Variants in TACR3 observed in about 807,000 individuals in gnomAD.
The protein encoded by TACR3 is tachykinin receptor 3.
TACR3 carries 34 observed loss-of-function variants against 35.0 expected under a neutral mutation model. That is an observed-to-expected ratio of 0.97 (90% CI 0.74 to 1.30). The LOEUF is 1.30. Among genes scored for constraint, TACR3 ranks in the 50% most tolerant of loss-of-function variants. The pLI is 0.00. For missense variants in TACR3, 558 were observed against 591.7 expected, an observed-to-expected ratio of 0.94 and a Z score of 0.59; for synonymous variants, 233 against 221.1, an observed-to-expected ratio of 1.05 and a Z score of -0.48.
At chr4:103,614,879 A>C (rs1724599817) in intron 3 of TACR3, among the ~76,000 whole-genome samples, 1 of 121,312 alleles carries the variant, frequency 8.2e-6, no homozygotes, top group Admixed American at 7.8e-5. Context: ...GTTGATTATG[A>C]ATGTGTTTTT....
intron 3 of TACR3, among the ~76,000 whole-genome samples, chr4:103,621,954 T>C (rs750916269): frequency 2.6e-5 from 4 of 152,082 alleles, no homozygotes; most frequent in Non-Finnish European, 5.9e-5. Context: ...AATGAAAGTA[T>C]AAAAATATAA....
At chr4:103,634,520 G>C (rs911721648) in intron 3 of TACR3, among the ~76,000 whole-genome samples, 2 of 117,454 alleles carry the variant, frequency 1.7e-5, no homozygotes, top group African/African-American at 5.7e-5. Context: ...TATAATCAGA[G>C]TAACAGAATG....
At chr4:103,591,375 T>A in intron 4 of TACR3, 112 bp downstream of exon 4, 1 of 1,308,114 alleles carries the variant, frequency 7.6e-7, no homozygotes, top group Non-Finnish European at 1.1e-6. Flanking sequence ...AATTCTTAAA[T>A]TTTCCCTTCC....
intron 3 of TACR3, among the ~76,000 whole-genome samples, chr4:103,594,030 TAAGTA>T (rs1723950384): frequency 6.6e-6 from 1 of 152,162 alleles, no homozygotes; most frequent in African/African-American, 2.4e-5. Flanking sequence ...CGCAGACAGT[TAAGTA>T]ATGTCTAAGA....
At chr4:103,678,681 G>T (rs905018261) in intron 1 of TACR3, among the ~76,000 whole-genome samples, 1 of 151,832 alleles carries the variant, frequency 6.6e-6, no homozygotes, top group Non-Finnish European at 1.5e-5. Flanking sequence ...GATAGCAGTG[G>T]GTACTACGCA....
chr4:103,607,779 AAGTC>A (rs1268916431), intron 3 of TACR3, among the ~76,000 whole-genome samples: 2 of 152,144 alleles, frequency 1.3e-5, no homozygotes, highest in Admixed American at 1.3e-4. Flanking sequence ...AGACATTTTG[AAGTC>A]AGTCAGATAG....
intron 3 of TACR3, among the ~76,000 whole-genome samples, chr4:103,621,365 A>AG (rs1326939428): frequency 6.6e-6 from 1 of 152,192 alleles, no homozygotes; most frequent in Admixed American, 6.5e-5. Flanking sequence ...ATGAGAATAG[A>AG]GGGCCAATAT....
chr4:103,623,447 T>G lies in TACR3; in HGVS notation c.889-31764A>C, dbSNP rs535848005. On this transcript the variant is annotated intron_variant, in intron 3 of 4. Transcript: ENST00000304883. ...TTTTCTGCTTATTTTATGGCAAAAT[T>G]TATTTTGGCTTGTAATCATAGACTA... 2.0e-5 allele frequency among the ~76,000 whole-genome samples: 3 copies of G among 152,314 alleles called. No individual in the cohort carries two copies. The East Asian group carries it at 5.8e-4, about 29-fold the overall frequency.
chr4:103,673,257 G>A (rs1428756358), intron 1 of TACR3, among the ~76,000 whole-genome samples: 3 of 152,148 alleles, frequency 2.0e-5, no homozygotes, highest in South Asian at 2.1e-4. Flanking sequence ...TTTGGTGCAA[G>A]AGGCCTAGCT....
chr4:103,633,498 C>A lies in TACR3; in HGVS notation c.888+22696G>T, dbSNP rs564267684. 1.7e-4 allele frequency among the ~76,000 whole-genome samples: 26 copies of A among 151,612 alleles called. 1 individual carries two copies. The South Asian group carries it at 5.4e-3, about 32-fold the overall frequency. On this transcript the variant is annotated intron_variant, in intron 3 of 4. Coordinates refer to ENST00000304883, the MANE Select transcript of TACR3 (RefSeq NM_001059.3). ...ATTCTTTAGTGGAGATTTGTGAGAC[C>A]CTGGTGCACCCATCACCCAAGCAGT...
intron 3 of TACR3, among the ~76,000 whole-genome samples, chr4:103,606,383 G>A (rs1393313867): frequency 6.6e-6 from 1 of 152,120 alleles, no homozygotes; most frequent in Non-Finnish European, 1.5e-5. Context: ...TAGTTGGATG[G>A]GGATGGCATT....
At chr4:103,677,758 T>G (rs1578253740) in intron 1 of TACR3, among the ~76,000 whole-genome samples, 1 of 152,200 alleles carries the variant, frequency 6.6e-6, no homozygotes, top group African/African-American at 2.4e-5. Flanking sequence ...TAATGGATGC[T>G]GGGCTTAATA....
chr4:103,714,219 T>G (rs1222008849), intron 1 of TACR3, among the ~76,000 whole-genome samples: 2 of 152,152 alleles, frequency 1.3e-5, no homozygotes, highest in Non-Finnish European at 2.9e-5. Flanking sequence ...CATAAATTCT[T>G]GTTTGACATA....
At chr4:103,641,677 C>T (rs1725358984) in intron 3 of TACR3, among the ~76,000 whole-genome samples, 1 of 151,844 alleles carries the variant, frequency 6.6e-6, no homozygotes, top group Non-Finnish European at 1.5e-5. Flanking sequence ...TCTGCAATTC[C>T]CAGTTTATTG....
At chr4:103,632,670 TAAAGAA>T (rs934804059) in intron 3 of TACR3, among the ~76,000 whole-genome samples, 3 of 148,694 alleles carry the variant, frequency 2.0e-5, no homozygotes, top group Admixed American at 6.7e-5. Flanking sequence ...TTTGAAGAAA[TAAAGAA>T]AAAGAAATAT....
At chr4:103,591,104 G>T (rs1723883632) in intron 4 of TACR3, 1 of 267,396 alleles carries the variant, frequency 3.7e-6, no homozygotes, top group South Asian at 4.3e-5. Context: ...CCATCTTATA[G>T]AAATTATTCA....
At chr4:103,597,340 C>A (rs562022542) in intron 3 of TACR3, among the ~76,000 whole-genome samples, 2 of 149,364 alleles carry the variant, frequency 1.3e-5, no homozygotes, top group Non-Finnish European at 3.0e-5. Context: ...GTTTGCATTT[C>A]TCTGTTGGTA....
At chr4:103,641,013 C>A (rs1478598893) in intron 3 of TACR3, among the ~76,000 whole-genome samples, 1 of 151,850 alleles carries the variant, frequency 6.6e-6, no homozygotes, top group Admixed American at 6.6e-5. Flanking sequence ...CTTATTTTTT[C>A]TTCTAGTAGT....
intron 3 of TACR3, among the ~76,000 whole-genome samples, chr4:103,601,729 C>G (rs886901386): frequency 4.6e-5 from 7 of 152,304 alleles, no homozygotes; most frequent in African/African-American, 1.7e-4. Context: ...TCTCTTCTGG[C>G]TTGTAGAGTT....
Sources: gnomAD v4.1 joint callset for allele counts (sites outside exome capture counted in the v4.1 genomes callset) on GRCh38, gnomAD v4.1.1 for gene constraint, MANE v1.5 for transcripts, NCBI Gene and HGNC (gene_info 2026-07-23, HGNC 2026-07-21) for gene names.